The following SCRN3 variants were observed in gnomAD, a reference collection of about 807,000 sequenced individuals.
SCRN3 encodes the protein secernin-3.
A neutral mutation model predicts 43.1 loss-of-function variants in SCRN3; 39 were observed. That is an observed-to-expected ratio of 0.91 (90% CI 0.70 to 1.18). The LOEUF (loss-of-function observed/expected upper bound fraction) is 1.18, where lower values mean the gene tolerates loss of function less well. SCRN3 is among the 50% of genes most tolerant of loss of function. SCRN3 has a pLI of 0.00. For missense variants in SCRN3, 484 were observed against 498.0 expected (o/e 0.97, Z 0.27); for synonymous variants, 147 against 163.1 (o/e 0.90, Z 0.75).
intron 6 of SCRN3, 80 bp downstream of exon 6, chr2:174,423,127 G>A: frequency 7.9e-7 from 1 of 1,260,248 alleles, no homozygotes; most frequent in East Asian, 2.4e-5. Context: ...ATTTTGTCAG[G>A]ATAAATTTTT....
intron 5 of SCRN3, among the ~76,000 whole-genome samples, chr2:174,418,903 A>C (rs1686202584): frequency 6.6e-6 from 1 of 152,226 alleles, no homozygotes. Flanking sequence ...GTTATCTATA[A>C]ATTCAATAAG....
At chr2:174,423,646 T>TTTTTGTA (rs1686371806) in intron 6 of SCRN3, among the ~76,000 whole-genome samples, 1 of 152,100 alleles carries the variant, frequency 6.6e-6, no homozygotes. Context: ...ATTTTTTGTA[T>TTTTTGTA]TTTTAGTAGA....
intron 7 of SCRN3, among the ~76,000 whole-genome samples, 193 bp from the exon 8 acceptor site, chr2:174,427,520 C>T (rs1001344004): frequency 1.3e-5 from 2 of 152,040 alleles, no homozygotes; most frequent in Non-Finnish European, 2.9e-5. Context: ...GGTATTCATG[C>T]ATTAACTCAA....
intron 5 of SCRN3, among the ~76,000 whole-genome samples, chr2:174,420,398 A>G (rs1686257322): frequency 6.6e-6 from 1 of 152,216 alleles, no homozygotes; most frequent in Non-Finnish European, 1.5e-5. Context: ...ATGCTCTGCG[A>G]AAGAAAATAT....
intron 7 of SCRN3, among the ~76,000 whole-genome samples, chr2:174,427,104 ACAGGCGTGAG>A (rs1169538029): frequency 6.6e-6 from 1 of 152,158 alleles, no homozygotes; most frequent in African/African-American, 2.4e-5. Context: ...TGCTGGGGTT[ACAGGCGTGAG>A]CCACTGCGCC....
In SCRN3 at chr2:174,429,323, T is replaced by G; in HGVS notation, c.*1428T>G. On this transcript the variant is annotated 3_prime_UTR_variant, in exon 8 of 8. Coordinates refer to ENST00000272732, the MANE Select transcript of SCRN3 (RefSeq NM_024583.5). ...CACCTTGGCCTAAACTAGCACCGTC[T>G]TTTAGCTAGACCATTGCGTTAACTG... is the stretch of plus-strand genomic sequence containing the variant. 6.6e-6 allele frequency: 1 copy of G among 152,210 alleles called. No individual in the cohort carries two copies. The highest frequency in any genetic ancestry group is 1.9e-4 in the East Asian group (1 of 5,202). The allele number at this position is 152,210 out of a possible 1,614,324, so 9.4% of individuals were successfully genotyped here. A position where few individuals can be genotyped will look rare whatever the true frequency, so the allele number is the denominator to read the frequency against.
intron 2 of SCRN3, 21 bp from the exon 3 acceptor site, chr2:174,399,899 CTT>C (rs59353951): frequency 0.034 from 38,450 of 1,132,268 alleles, no homozygotes; most frequent in Non-Finnish European, 0.036. Flanking sequence ...CTTGCTATGA[CTT>C]TTTTTTTTTT....
rs571071691 is a variant in SCRN3 at position 174,398,276 on chromosome 2, T to TA, written c.1dup. 2.3e-4 allele frequency: 361 copies of TA among 1,541,200 alleles called. 1 individual carries two copies. The African/African-American group carries it at 2.8e-3, about 12-fold the overall frequency. ...TTAAAACATCTGTATAATTTTTAGT[T>TA]AAAAAAAATGGAACCTTTTTCCTGT... On this transcript the variant is annotated splice_region_variant and 5_prime_UTR_variant, in exon 2 of 8. Transcript: ENST00000272732.
intron 5 of SCRN3, among the ~76,000 whole-genome samples, chr2:174,418,475 C>G (rs1286180763): frequency 6.6e-6 from 1 of 152,168 alleles, no homozygotes; most frequent in Non-Finnish European, 1.5e-5. Context: ...GCTTAAATTG[C>G]AATGAAATTA....
Position 174,420,364 on chromosome 2 carries a change from A to G in SCRN3, c.755-2521A>G, listed in dbSNP as rs372319930. On this transcript the variant is annotated intron_variant, in intron 5 of 7. Coordinates refer to ENST00000272732, the MANE Select transcript of SCRN3 (RefSeq NM_024583.5). ...GATCAAGGTAATCTACCTATATTCT[A>G]TCTGGTTGCCAAAAGAATATTAAAT... Among the ~76,000 whole-genome samples the G allele has an allele frequency of 3.9e-5, 6 of 152,338 alleles. No homozygotes were observed. In the South Asian group the frequency reaches 1.2e-3, roughly 32 times the overall value.
intron 5 of SCRN3, among the ~76,000 whole-genome samples, chr2:174,414,675 G>A (rs982459938): frequency 6.6e-6 from 1 of 151,320 alleles, no homozygotes; most frequent in Non-Finnish European, 1.5e-5. Context: ...CCTGTTATTT[G>A]GGTTATTTTT....
chr2:174,413,897 C>T (rs1686014705), intron 5 of SCRN3, among the ~76,000 whole-genome samples: 1 of 152,018 alleles, frequency 6.6e-6, no homozygotes, highest in South Asian at 2.1e-4. Flanking sequence ...AGCCTGCCCC[C>T]TCACTTCCTA....
chr2:174,421,059 A>G (rs577766167), intron 5 of SCRN3, among the ~76,000 whole-genome samples: 2 of 152,298 alleles, frequency 1.3e-5, no homozygotes, highest in East Asian at 3.9e-4. Context: ...AGACAGAAAA[A>G]TCTGAAACAC....
chr2:174,409,260 A>AG (rs1402770148), intron 5 of SCRN3, among the ~76,000 whole-genome samples: 1 of 135,686 alleles, frequency 7.4e-6, no homozygotes, highest in South Asian at 2.3e-4. Flanking sequence ...TCGGCTCCTG[A>AG]GGCTTCTGCA....
intron 5 of SCRN3, among the ~76,000 whole-genome samples, chr2:174,412,134 A>C (rs892574070): frequency 4.0e-5 from 6 of 151,784 alleles, no homozygotes; most frequent in South Asian, 4.2e-4. Flanking sequence ...CAAAAAAAAA[A>C]CCAGAAGTCA....
At chr2:174,398,512 C>A in intron 2 of SCRN3, 70 bp downstream of exon 2, 1 of 1,330,018 alleles carries the variant, frequency 7.5e-7, no homozygotes, top group Non-Finnish European at 1.0e-6. Flanking sequence ...CTATACATAG[C>A]AATTTGGAAG....
chr2:174,417,702 T>C (rs1454504074), intron 5 of SCRN3, among the ~76,000 whole-genome samples: 11 of 152,342 alleles, frequency 7.2e-5, no homozygotes, highest in Middle Eastern at 3.4e-3. Context: ...CTAATTATAT[T>C]ATTCTCTAAG....
intron 5 of SCRN3, among the ~76,000 whole-genome samples, chr2:174,405,308 G>GT (rs1412823760): frequency 8.0e-5 from 9 of 112,900 alleles, no homozygotes; most frequent in African/African-American, 1.6e-4. Context: ...GGGGTTGTTT[G>GT]TTTTTTTCTT....
intron 5 of SCRN3, among the ~76,000 whole-genome samples, chr2:174,404,569 T>C (rs1454543431): frequency 7.2e-6 from 1 of 138,866 alleles, no homozygotes; most frequent in Non-Finnish European, 1.6e-5. Context: ...ACTCGTCATC[T>C]AGCATTAGGT....
Sources: gnomAD v4.1 joint callset for allele counts (sites outside exome capture counted in the v4.1 genomes callset) on GRCh38, gnomAD v4.1.1 for gene constraint, MANE v1.5 for transcripts, NCBI Gene and HGNC (gene_info 2026-07-23, HGNC 2026-07-21) for gene names.